OR10G4: variants seen among roughly 807,000 people sequenced by gnomAD.
The protein encoded by OR10G4 is olfactory receptor family 10 subfamily G member 4, also known as olfactory receptor 10G4.
For synonymous variants in OR10G4, 130 were observed against 159.3 expected, an observed-to-expected ratio of 0.82 and a Z score of 1.39; for missense variants, 318 against 388.8, an observed-to-expected ratio of 0.82 and a Z score of 1.53.
At position 124,018,390 on chromosome 11, in the gene OR10G4, C is replaced by T. The variant is rs1214921733; in HGVS notation, c.*1880C>T. The T allele has an allele frequency of 8.0e-6, 1 of 124,820 alleles. No individual in the cohort carries two copies. The highest frequency in any genetic ancestry group is 3.0e-5 in the African/African-American group (1 of 33,210). The allele number at this position is 124,820 out of a possible 1,614,324, so 7.7% of individuals were successfully genotyped here. A position where few individuals can be genotyped will look rare whatever the true frequency, so the allele number is the denominator to read the frequency against. On this transcript the variant is annotated 3_prime_UTR_variant, in exon 2 of 2. Coordinates refer to ENST00000641722, the MANE Select transcript of OR10G4 (RefSeq NM_001004462.2). ...CAAAAGGCCCCCTTGTGTGATGTTC[C>T]CCTCCCTGTGTCCATGTGTTCTCAT... is the stretch of plus-strand genomic sequence containing the variant.
Position 124,016,191 on chromosome 11 carries a change from C to T in OR10G4, c.617C>T (p.Ala206Val). The T allele has an allele frequency of 6.2e-7, 1 of 1,614,226 alleles. No homozygotes were observed. The highest frequency in any genetic ancestry group is 8.5e-7 in the Non-Finnish European group (1 of 1,180,040). ...ATCTTTGTGGACATTGGGATAGTGGCCTCAGGCTGCTTTGTCCTGATAGTG... is the reference window on the plus strand; with the variant it reads ...ATCTTTGTGGACATTGGGATAGTGGTCTCAGGCTGCTTTGTCCTGATAGTG... Reference protein sequence around the residue: ...MVIFVDIGIVASGCFVLIVLS... With the variant: ...MVIFVDIGIVVSGCFVLIVLS... The change falls in exon 2 of 2, where the codon GCC (alanine) becomes GTC (valine). Residue 206 changes from alanine (A) to valine (V), a missense_variant. By Grantham distance (64) the Ala-to-Val change is moderately conservative (BLOSUM62 0). Coordinates refer to ENST00000641722, the MANE Select transcript of OR10G4 (RefSeq NM_001004462.2).
chr11:124,016,050 C>T lies in OR10G4; in HGVS notation c.476C>T (p.Thr159Ile). 6.2e-7 allele frequency: 1 copy of T among 1,613,928 alleles called. No homozygotes were observed. ...GGCTCTCTGCACTCTGCTGTCCAGA[C>T]CATATTGACTTTCCATTTGCCCTAC... ...LSGSLHSAVQTILTFHLPYCG... is the reference protein window; with the variant it reads ...LSGSLHSAVQIILTFHLPYCG... The change falls in exon 2 of 2, where the codon ACC becomes ATC. Residue 159 changes from threonine (T) to isoleucine (I), a missense_variant. Physicochemically the swap from Thr to Ile is moderately conservative, Grantham distance 89 (BLOSUM62 -1). Coordinates refer to ENST00000641722, the MANE Select transcript of OR10G4 (RefSeq NM_001004462.2).
rs1864026708 is a variant in OR10G4, at chr11:124,016,984, G to T, written c.*474G>T. The T allele has an allele frequency of 6.4e-6, 1 of 155,160 alleles. No individual in the cohort carries two copies. Among genetic ancestry groups the T allele is most frequent in the Admixed American group, 6.3e-5 (1 of 15,874 alleles). The allele number at this position is 155,160 out of a possible 1,614,324, so 9.6% of individuals were successfully genotyped here. On this transcript the variant is annotated 3_prime_UTR_variant, in exon 2 of 2. Transcript: ENST00000641722. The stretch of plus-strand genomic sequence containing the variant: ...TTGGTTTTAACGTATCTATATATTT[G>T]TATGTGTATATACTATTCCAAACAT...
intron 1 of OR10G4, chr11:124,015,327 ACTTT>A (rs746313394): frequency 1.1e-5 from 6 of 570,026 alleles, no homozygotes; most frequent in Non-Finnish European, 1.9e-5. Flanking sequence ...GTGTTTCTCT[ACTTT>A]CTTCTGCATG....
Position 124,015,954 on chromosome 11 carries a change from AC to A in OR10G4, c.383del (p.Pro128ArgfsTer7), listed in dbSNP as rs1209692856. On this transcript the variant is annotated frameshift_variant, in exon 2 of 2. Transcript: ENST00000641722. LOFTEE classifies it low-confidence loss of function (END_TRUNC). ...MSYDRYLAIS[Y>X]PLRYTSMMSG... ...TATGATCGCTACTTGGCCATCAGTT[AC>A]CCGCTCAGGTACACCAGCATGATGA... is the stretch of plus-strand genomic sequence containing the variant. The A allele has an allele frequency of 6.2e-7, 1 of 1,613,758 alleles. No individual in the cohort carries two copies. Among genetic ancestry groups the A allele is most frequent in the African/African-American group, 1.3e-5 (1 of 74,932 alleles).
rs952101541 is a variant in OR10G4, at chr11:124,016,634, A to T, written c.*124A>T. The T allele has an allele frequency of 3.3e-6, 2 of 608,014 alleles. No individual in the cohort carries two copies. The highest frequency in any genetic ancestry group is 5.6e-6 in the Non-Finnish European group (2 of 358,944). 37.7% of individuals were successfully genotyped at this position (608,014 alleles called of 1,614,324 possible). A position where few individuals can be genotyped will look rare whatever the true frequency, so the allele number is the denominator to read the frequency against. On this transcript the variant is annotated 3_prime_UTR_variant, in exon 2 of 2. Transcript: ENST00000641722. Reference sequence around the variant, plus strand: ...TATTCCAAAACACCTGCACAGTTATAATTCTTCCACAGATTGTCTAAGACA... The same window carrying T: ...TATTCCAAAACACCTGCACAGTTATTATTCTTCCACAGATTGTCTAAGACA...
chr11:124,015,664 G>A lies in OR10G4; in HGVS notation c.90G>A (p.Leu30=), dbSNP rs1041276506. The A allele has an allele frequency of 2.5e-6, 4 of 1,608,286 alleles. No individual in the cohort carries two copies. The highest frequency in any genetic ancestry group is 1.7e-5 in the Admixed American group (1 of 59,090). The change falls in exon 2 of 2, where the codon CTG becomes CTA. Residue 30 remains leucine, a synonymous_variant. Transcript: ENST00000641722. ...ACGCCCTCCTCTTTGGAATCTTCCTGGTGGTTTACGTGCTCACTGTGCTGG... is the reference window on the plus strand; with the variant it reads ...ACGCCCTCCTCTTTGGAATCTTCCTAGTGGTTTACGTGCTCACTGTGCTGG... The part of the protein sequence containing the change: ...GLDALLFGIF[L]VVYVLTVLGN...
intron 1 of OR10G4, among the ~76,000 whole-genome samples, chr11:124,013,596 A>C (rs1207890789): frequency 6.6e-6 from 1 of 152,182 alleles, no homozygotes; most frequent in African/African-American, 2.4e-5. Context: ...GTCAGGATAC[A>C]TTTTACCTGG....
chr11:124,017,118 T>C lies in OR10G4; in HGVS notation c.*608T>C, dbSNP rs1864028408. 6.6e-6 allele frequency: 1 copy of C among 152,218 alleles called. No homozygotes were observed. The highest frequency in any genetic ancestry group is 1.5e-5 in the Non-Finnish European group (1 of 68,032). The allele number at this position is 152,218 out of a possible 1,614,324, so 9.4% of individuals were successfully genotyped here. A position where few individuals can be genotyped will look rare whatever the true frequency, so the allele number is the denominator to read the frequency against. ...TTACATATATATCTGAAAACATTTCTAGAAACACTATTTTAATTGGCAAGA... is the reference window on the plus strand; with the variant it reads ...TTACATATATATCTGAAAACATTTCCAGAAACACTATTTTAATTGGCAAGA... On this transcript the variant is annotated 3_prime_UTR_variant, in exon 2 of 2. Transcript: ENST00000641722.
chr11:124,016,243 C>T lies in OR10G4; in HGVS notation c.669C>T (p.Ser223=), dbSNP rs1310553009. Reference sequence around the variant, plus strand: ...TGTCCTATGTGTCCATCGTCTGTTCCATCCTGCGGATCCGCACCTCAGATG... The same window carrying T: ...TGTCCTATGTGTCCATCGTCTGTTCTATCCTGCGGATCCGCACCTCAGATG... The part of the protein sequence containing the change: ...IVLSYVSIVC[S]ILRIRTSDGR... Residue 223 remains serine, a synonymous_variant, in exon 2 of 2, where the codon TCC becomes TCT. Transcript: ENST00000641722. The T allele has an allele frequency of 6.2e-7, 1 of 1,614,210 alleles. No homozygotes were observed. Among genetic ancestry groups the T allele is most frequent in the Non-Finnish European group, 8.5e-7 (1 of 1,180,034 alleles).
chr11:124,014,227 G>A (rs532565430), intron 1 of OR10G4, among the ~76,000 whole-genome samples: 2 of 152,214 alleles, frequency 1.3e-5, no homozygotes, highest in East Asian at 3.9e-4. Flanking sequence ...CCCTTTAAAA[G>A]CAGGCAATAG....
chr11:124,015,688 G>A lies in OR10G4; in HGVS notation c.114G>A (p.Leu38=). 1 of 1,610,262 alleles carries A rather than the reference G, an allele frequency of 6.2e-7. No individual in the cohort carries two copies. The highest frequency in any genetic ancestry group is 8.5e-7 in the Non-Finnish European group (1 of 1,177,468). Residue 38 remains leucine, a synonymous_variant, in exon 2 of 2, where the codon CTG becomes CTA. Coordinates refer to ENST00000641722, the MANE Select transcript of OR10G4 (RefSeq NM_001004462.2). ...IFLVVYVLTV[L]GNLLILLVIR... Reference sequence around the variant, plus strand: ...TGGTGGTTTACGTGCTCACTGTGCTGGGGAACCTCCTCATCCTGCTGGTGA... The same window carrying A: ...TGGTGGTTTACGTGCTCACTGTGCTAGGGAACCTCCTCATCCTGCTGGTGA...
In OR10G4 at chr11:124,016,919, A is replaced by G. The variant is rs1429224845; in HGVS notation, c.*409A>G. ...AACAAATATTATTCAAAACCAGCAA[A>G]AAATATCATTTTTCTAATTGTGGCT... On this transcript the variant is annotated 3_prime_UTR_variant, in exon 2 of 2. Coordinates refer to ENST00000641722, the MANE Select transcript of OR10G4 (RefSeq NM_001004462.2). The G allele has an allele frequency of 6.4e-6, 1 of 156,498 alleles. No homozygotes were observed. Among genetic ancestry groups the G allele is most frequent in the African/African-American group, 2.4e-5 (1 of 41,524 alleles). The allele number at this position is 156,498 out of a possible 1,614,324, so 9.7% of individuals were successfully genotyped here.
Position 124,016,052 on chromosome 11 carries a change from A to G in OR10G4, c.478A>G (p.Ile160Val), listed in dbSNP as rs574079030. ...CTCTCTGCACTCTGCTGTCCAGACC[A>G]TATTGACTTTCCATTTGCCCTACTG... is the stretch of plus-strand genomic sequence containing the variant. ...SGSLHSAVQT[I>V]LTFHLPYCGP... Residue 160 changes from isoleucine to valine, a missense_variant, in exon 2 of 2, where the codon ATA becomes GTA. Physicochemically the swap from Ile to Val is conservative, Grantham distance 29. Coordinates refer to ENST00000641722, the MANE Select transcript of OR10G4 (RefSeq NM_001004462.2). The G allele has an allele frequency of 3.1e-6, 5 of 1,613,820 alleles. No individual in the cohort carries two copies. In the Admixed American group the frequency reaches 8.3e-5, roughly 27 times the overall value.
chr11:124,013,852 C>G (rs1863990492), intron 1 of OR10G4, among the ~76,000 whole-genome samples: 1 of 152,102 alleles, frequency 6.6e-6, no homozygotes, highest in Admixed American at 6.5e-5. Context: ...AAAAAAGAAA[C>G]ATAGACTTGA....
chr11:124,013,999 C>T (rs1191539868), intron 1 of OR10G4, among the ~76,000 whole-genome samples: 1 of 152,060 alleles, frequency 6.6e-6, no homozygotes, highest in Non-Finnish European at 1.5e-5. Context: ...TGATGTACAA[C>T]AGAAAGCTAG....
chr11:124,013,779 C>T (rs1390304031), intron 1 of OR10G4, among the ~76,000 whole-genome samples: 2 of 152,186 alleles, frequency 1.3e-5, no homozygotes, highest in Admixed American at 6.5e-5. Flanking sequence ...TTCTGGACAT[C>T]ACGCCAATAT....
In OR10G4 at chr11:124,016,187, G is replaced by C. The variant is rs141511604; in HGVS notation, c.613G>C (p.Val205Leu). ...GGTCATCTTTGTGGACATTGGGATAGTGGCCTCAGGCTGCTTTGTCCTGAT... is the reference window on the plus strand; with the variant it reads ...GGTCATCTTTGTGGACATTGGGATACTGGCCTCAGGCTGCTTTGTCCTGAT... ...VMVIFVDIGI[V>L]ASGCFVLIVL... is the part of the protein sequence containing the mutation. Residue 205 changes from valine (V) to leucine (L), a missense_variant, in exon 2 of 2, where the codon GTG (valine) becomes CTG (leucine). By Grantham distance (32) the Val-to-Leu change is conservative. Transcript: ENST00000641722. The C allele has an allele frequency of 7.1e-5, 114 of 1,614,222 alleles. No individual in the cohort carries two copies. Among genetic ancestry groups the C allele is most frequent in the Middle Eastern group, 5.0e-4 (3 of 6,060 alleles).
chr11:124,017,818 A>G lies in OR10G4; in HGVS notation c.*1308A>G, dbSNP rs1429647158. On this transcript the variant is annotated 3_prime_UTR_variant, in exon 2 of 2. Coordinates refer to ENST00000641722, the MANE Select transcript of OR10G4 (RefSeq NM_001004462.2). The stretch of plus-strand genomic sequence containing the variant: ...CTCTTGAAGAAATAAAGGATAACTG[A>G]AAGATTGACAACACTAGTTATCACA... The G allele has an allele frequency of 6.6e-6, 1 of 152,238 alleles. No individual in the cohort carries two copies. The highest frequency in any genetic ancestry group is 1.5e-5 in the Non-Finnish European group (1 of 68,040). 9.4% of individuals were successfully genotyped at this position (152,238 alleles called of 1,614,324 possible).
Sources: allele counts gnomAD v4.1 joint callset (sites outside exome capture counted in the v4.1 genomes callset), GRCh38; gene constraint gnomAD v4.1.1; transcripts MANE v1.5; gene names NCBI Gene and HGNC (gene_info 2026-07-23, HGNC 2026-07-21).